Variants in FCSK observed in about 807,000 individuals in gnomAD.
The protein encoded by FCSK is fucose kinase.
In FCSK, 123 loss-of-function variants were observed where a neutral mutation model predicts 122.5. That is an observed-to-expected ratio of 1.00 (90% confidence interval 0.87 to 1.17). The LOEUF (loss-of-function observed/expected upper bound fraction) is 1.17, where lower values mean the gene tolerates loss of function less well. Ranked by LOEUF, FCSK falls within the 50% of genes most tolerant of loss-of-function variation. FCSK has a pLI of 0.00. For synonymous variants in FCSK, 620 were observed against 625.5 expected (o/e 0.99, Z 0.13); for missense variants, 1,366 against 1,450.4 (o/e 0.94, Z 0.95).
chr16:70,461,039 C>G (rs994292045), intron 1 of FCSK, among the ~76,000 whole-genome samples: 2 of 152,216 alleles, frequency 1.3e-5, no homozygotes, highest in African/African-American at 4.8e-5. Flanking sequence ...CTGGATTTCC[C>G]TGCTGGGCTG....
In FCSK at chr16:70,470,961, G is replaced by A. The variant is rs193067969; in HGVS notation, c.1069-10G>A. 42 of 1,570,056 alleles carry A rather than the reference G, an allele frequency of 2.7e-5. 1 individual carries two copies. In the Admixed American group the frequency reaches 6.3e-4, roughly 23 times the overall value. ...GACCCCCCTCATGCTCCTCCTACCT[G>A]GCTGCACAGGAGCAGCAGCTTCTGG... On this transcript the variant is annotated splice_polypyrimidine_tract_variant and intron_variant, in intron 11 of 23. Coordinates refer to ENST00000288078, the MANE Select transcript of FCSK (RefSeq NM_145059.3).
chr16:70,470,431 G>C lies in FCSK; in HGVS notation c.1068+5G>C. 1.9e-6 allele frequency: 3 copies of C among 1,563,550 alleles called. No homozygotes were observed. Among genetic ancestry groups the C allele is most frequent in the Non-Finnish European group, 2.6e-6 (3 of 1,135,464 alleles). On this transcript the variant is annotated splice_donor_5th_base_variant and intron_variant, in intron 11 of 23. Transcript: ENST00000288078. ...ATTGTGCACTCCCAGGTGGAGGTGA[G>C]ACCTCCCTGCCCCTCCGGTGCCTGC...
At chr16:70,466,111 C>T in intron 4 of FCSK, 21 bp from the exon 5 acceptor site, 4 of 1,612,086 alleles carry the variant, frequency 2.5e-6, no homozygotes, top group South Asian at 1.1e-5. Context: ...GAGGCTTCCT[C>T]ACCAGTCCCC....
intron 1 of FCSK, among the ~76,000 whole-genome samples, chr16:70,455,883 T>C (rs1011695862): frequency 6.8e-6 from 1 of 147,888 alleles, no homozygotes; most frequent in Non-Finnish European, 1.5e-5. Context: ...AGAGGGAGAC[T>C]GTCTCAAAAA....
At chr16:70,460,093 A>T (rs967344272) in intron 1 of FCSK, among the ~76,000 whole-genome samples, 1 of 136,250 alleles carries the variant, frequency 7.3e-6, no homozygotes, top group Non-Finnish European at 1.6e-5. Context: ...GCCGCCAACC[A>T]CGTCTAGCCT....
Position 70,474,650 on chromosome 16 carries a change from GGC to G in FCSK, c.2112_2113del (p.Gln705ValfsTer5). The G allele has an allele frequency of 1.9e-5, 30 of 1,599,642 alleles. No individual in the cohort carries two copies. Among genetic ancestry groups the G allele is most frequent in the Non-Finnish European group, 2.6e-5 (30 of 1,173,616 alleles). On this transcript the variant is annotated frameshift_variant, in exon 17 of 24. Transcript: ENST00000288078. LOFTEE classifies it high-confidence loss of function. ...GAGCAGGTGGAACTGCCGGGACCTG[GGC>G]AGTGGGTGGTGGCTGAGTGCCCGGC... is the stretch of plus-strand genomic sequence containing the variant.
At position 70,468,328 on chromosome 16, in the gene FCSK, G is replaced by A. The variant is rs554589287; in HGVS notation, c.663+362G>A. 7.0e-4 allele frequency among the ~76,000 whole-genome samples: 107 copies of A among 152,306 alleles called. 3 individuals carry two copies. Among genetic ancestry groups the A allele is most frequent in the Middle Eastern group, 3.4e-3 (1 of 294 alleles). On this transcript the variant is annotated intron_variant, in intron 8 of 23. Transcript: ENST00000288078. ...CCAACTACTTGAGAGGTAGAGGCTC[G>A]AGAATCGCTTGAACCCAGGAGGCGG...
At position 70,466,784 on chromosome 16, in the gene FCSK, C is replaced by T. The variant is rs559476918; in HGVS notation, c.412-98C>T. 73 of 1,053,560 alleles carry T rather than the reference C, an allele frequency of 6.9e-5. No individual in the cohort carries two copies. The South Asian group carries it at 1.0e-3, about 15-fold the overall frequency. The allele number at this position is 1,053,560 out of a possible 1,614,324, so 65.3% of individuals were successfully genotyped here. A position where few individuals can be genotyped will look rare whatever the true frequency, so the allele number is the denominator to read the frequency against. ...GTGGGGGCAGACCAGGTCTTGGAGG[C>T]CCTTGTTACTTCAACAGCACAGTAT... On this transcript the variant is annotated intron_variant, in intron 5 of 23. Coordinates refer to ENST00000288078, the MANE Select transcript of FCSK (RefSeq NM_145059.3).
Position 70,479,352 on chromosome 16 carries a change from CAAGGAG to C in FCSK, c.3103_3108del (p.Lys1035_Glu1036del). The C allele has an allele frequency of 6.2e-7, 1 of 1,613,944 alleles. No homozygotes were observed. Among genetic ancestry groups the C allele is most frequent in the Non-Finnish European group, 8.5e-7 (1 of 1,180,022 alleles). On this transcript the variant is annotated inframe_deletion, in exon 23 of 24. Coordinates refer to ENST00000288078, the MANE Select transcript of FCSK (RefSeq NM_145059.3). The stretch of plus-strand genomic sequence containing the variant: ...GTGGAGGCTTTCTCTATCTGTTGAC[CAAGGAG>C]CCACAGCAAAAGGAGGCCTTGGAGG...
chr16:70,466,086 T>C (rs757731728), intron 4 of FCSK, 46 bp from the exon 5 acceptor site: 30 of 1,597,712 alleles, frequency 1.9e-5, no homozygotes, highest in Non-Finnish European at 4.3e-6. Context: ...GAGGTGGCCT[T>C]GGGCTCTGTG....
intron 1 of FCSK, among the ~76,000 whole-genome samples, chr16:70,455,505 C>CAA (rs2048065586): frequency 2.1e-5 from 1 of 47,126 alleles, no homozygotes; most frequent in Non-Finnish European, 5.3e-5. Context: ...CAAAACAAAC[C>CAA]AACAACAACA....
chr16:70,472,753 C>T (rs2048668879), intron 14 of FCSK, 148 bp downstream of exon 14: 2 of 813,646 alleles, frequency 2.5e-6, no homozygotes, highest in Non-Finnish European at 3.8e-6. Context: ...GGATTCTCTC[C>T]AGTACTTTCC....
chr16:70,470,329 G>T lies in FCSK; in HGVS notation c.971G>T (p.Gly324Val), dbSNP rs2048571018. ...GTCTTTACAGCCTATGTCTCCAGCGGCAGCTACAGCTACATGACCTCCTCA... is the reference window on the plus strand; with the variant it reads ...GTCTTTACAGCCTATGTCTCCAGCGTCAGCTACAGCTACATGACCTCCTCA... The part of the protein sequence containing the change: ...QPLTMAYVSS[G>V]SYSYMTSSAS... The change falls in exon 11 of 24, where the codon GGC becomes GTC. Residue 324 changes from glycine to valine, a missense_variant. Coordinates refer to ENST00000288078, the MANE Select transcript of FCSK (RefSeq NM_145059.3). The T allele has an allele frequency of 1.9e-6, 3 of 1,613,026 alleles. No homozygotes were observed. Among genetic ancestry groups the T allele is most frequent in the Non-Finnish European group, 2.5e-6 (3 of 1,179,442 alleles).
chr16:70,465,896 T>G (rs1323284342), intron 4 of FCSK, among the ~76,000 whole-genome samples: 1 of 152,162 alleles, frequency 6.6e-6, no homozygotes, highest in East Asian at 1.9e-4. Flanking sequence ...GAGGTTGCAG[T>G]GAGCCAAGAT....
intron 20 of FCSK, 137 bp downstream of exon 20, chr16:70,475,904 C>G: frequency 1.1e-6 from 1 of 940,166 alleles, no homozygotes; most frequent in Middle Eastern, 3.4e-4. Flanking sequence ...TACTTTCCTT[C>G]TAGTCACTTT....
At chr16:70,467,821 G>T in intron 7 of FCSK, 65 bp from the exon 8 acceptor site, 1 of 1,369,504 alleles carries the variant, frequency 7.3e-7, no homozygotes. Flanking sequence ...TGCCACCTGT[G>T]GCTGTGGCCT....
chr16:70,463,212 G>C lies in FCSK; in HGVS notation c.22G>C (p.Asp8His). The C allele has an allele frequency of 6.2e-7, 1 of 1,614,068 alleles. No individual in the cohort carries two copies. The highest frequency in any genetic ancestry group is 1.1e-5 in the South Asian group (1 of 91,066). ...CAGAATGGAGCAGCCGAAGGGAGTT[G>C]ATTGGACAGTCATCATCCTGACCTG... The part of the protein sequence containing the change: MEQPKGV[D>H]WTVIILTCQY... The change falls in exon 2 of 24, where the codon GAT (aspartate) becomes CAT (histidine). Residue 8 changes from aspartate to histidine, a missense_variant. Physicochemically the swap from Asp to His is moderately conservative, Grantham distance 81. Transcript: ENST00000288078.
intron 1 of FCSK, among the ~76,000 whole-genome samples, chr16:70,457,606 G>A (rs778751663): frequency 1.3e-5 from 2 of 151,786 alleles, no homozygotes; most frequent in African/African-American, 2.4e-5. Context: ...CTCAGACAGG[G>A]TCTGGCTTTG....
intron 6 of FCSK, 131 bp downstream of exon 6, chr16:70,467,085 G>C: frequency 1.1e-6 from 1 of 870,612 alleles, no homozygotes; most frequent in Non-Finnish European, 1.9e-6. Context: ...GGAGGGTGTG[G>C]AGAATGAAGC....
Sources: gnomAD v4.1 joint callset for allele counts (sites outside exome capture counted in the v4.1 genomes callset) on GRCh38, gnomAD v4.1.1 for gene constraint, MANE v1.5 for transcripts, NCBI Gene and HGNC (gene_info 2026-07-23, HGNC 2026-07-21) for gene names.